TNIP1: variants seen among roughly 807,000 people sequenced by gnomAD.
TNIP1 encodes TNFAIP3 interacting protein 1.
TNIP1 carries 22 observed loss-of-function variants against 86.6 expected under a neutral mutation model. The observed-to-expected ratio is 0.25, with a 90% CI of 0.18 to 0.36. The LOEUF (loss-of-function observed/expected upper bound fraction) is 0.36, where lower values mean the gene tolerates loss of function less well. Among genes scored for constraint, TNIP1 ranks in the 10% least tolerant of loss-of-function variants. The probability of loss-of-function intolerance (pLI) is 1.00; values close to 1 mark genes in which losing one functional copy is unlikely to be tolerated. For synonymous variants in TNIP1, 294 were observed against 313.0 expected, an observed-to-expected ratio of 0.94 and a Z score of 0.64; for missense variants, 709 against 820.6, an observed-to-expected ratio of 0.86 and a Z score of 1.66.
At position 151,037,230 on chromosome 5, in the gene TNIP1, G is replaced by A. The variant is rs78928995; in HGVS notation, c.1264-309C>T. 1,618 of 207,638 alleles carry A rather than the reference G, an allele frequency of 7.8e-3. 25 individuals are homozygous for A. Among genetic ancestry groups the A allele is most frequent in the African/African-American group, 0.036 (1,532 of 42,410 alleles). The allele number at this position is 207,638 out of a possible 1,614,324, so 12.9% of individuals were successfully genotyped here. On this transcript the variant is annotated intron_variant, in intron 12 of 17. Transcript: ENST00000521591. ...GGTCACACAGCTAGTAAGTGGCAGA[G>A]CACAGATTCAAGCCCAGCACATGCT... is the stretch of plus-strand genomic sequence containing the variant.
At chr5:151,072,988 G>A (rs1489809413) in intron 1 of TNIP1, among the ~76,000 whole-genome samples, 6 of 152,122 alleles carry the variant, frequency 3.9e-5, no homozygotes, top group Non-Finnish European at 7.4e-5. Context: ...TTGGGAGGCC[G>A]AGGTGGGCGG....
chr5:151,067,182 T>C lies in TNIP1; in HGVS notation c.-36-2051A>G, dbSNP rs370445312. Among the ~76,000 whole-genome samples the C allele has an allele frequency of 1.7e-3, 256 of 152,348 alleles. 1 individual carries two copies. The highest frequency in any genetic ancestry group is 6.8e-3 in the Middle Eastern group (2 of 294). ...CCTGAAAGGTCAGTGTTCTACAGCA[T>C]AGCACAAAGTGCAGATGTTTCCACC... On this transcript the variant is annotated intron_variant, in intron 1 of 17. Coordinates refer to ENST00000521591, the MANE Select transcript of TNIP1 (RefSeq NM_006058.5).
intron 1 of TNIP1, 102 bp from the exon 2 acceptor site, chr5:151,065,233 C>T: frequency 2.0e-6 from 2 of 1,003,774 alleles, no homozygotes. Flanking sequence ...CAGTCCCCCA[C>T]TTTAAGCTGG....
In TNIP1 at chr5:151,043,332, C is replaced by T. The variant is rs1421109648; in HGVS notation, c.937-371G>A. 5.3e-5 allele frequency among the ~76,000 whole-genome samples: 8 copies of T among 152,244 alleles called. 1 individual carries two copies. The highest frequency in any genetic ancestry group is 4.6e-4 in the Admixed American group (7 of 15,296). On this transcript the variant is annotated intron_variant, in intron 9 of 17. Coordinates refer to ENST00000521591, the MANE Select transcript of TNIP1 (RefSeq NM_006058.5). Reference sequence around the variant, plus strand: ...CTCTGAAGAATTTAACCAATAGAAACACTTACACAAGTGTGCAAATATATA... The same window carrying T: ...CTCTGAAGAATTTAACCAATAGAAATACTTACACAAGTGTGCAAATATATA...
At chr5:151,034,108 A>AGTACATGGGCACGGAAGGCTG (rs796871436) in intron 15 of TNIP1, among the ~76,000 whole-genome samples, 1 of 95,598 alleles carries the variant, frequency 1.0e-5, no homozygotes, top group Non-Finnish European at 2.2e-5. Context: ...ATGGAAGGCT[A>AGTACATGGGCACGGAAGGCTG]GTACATGGGC....
intron 13 of TNIP1, 38 bp from the exon 14 acceptor site, chr5:151,035,745 G>A (rs1339287540): frequency 6.2e-7 from 1 of 1,610,262 alleles, no homozygotes; most frequent in Non-Finnish European, 8.5e-7. Flanking sequence ...GAGGGGGATG[G>A]TCCTGAGTGG....
At chr5:151,035,210 GC>G in intron 14 of TNIP1, 143 bp from the exon 15 acceptor site, 1 of 956,980 alleles carries the variant, frequency 1.0e-6, no homozygotes, top group Non-Finnish European at 1.6e-6. Flanking sequence ...CCGGGAAAGG[GC>G]CCTGAGGGCG....
chr5:151,060,453 C>A, intron 4 of TNIP1, 58 bp from the exon 5 acceptor site: 2 of 1,544,030 alleles, frequency 1.3e-6, no homozygotes, highest in African/African-American at 2.7e-5. Context: ...CCCTCCTCTG[C>A]GGCCCTGTGG....
chr5:151,062,404 C>T (rs1475458848), intron 3 of TNIP1, among the ~76,000 whole-genome samples, 192 bp from the exon 4 acceptor site: 1 of 152,184 alleles, frequency 6.6e-6, no homozygotes, highest in African/African-American at 2.4e-5. Flanking sequence ...CGGGGCAGAG[C>T]CTGAGCAGAG....
At chr5:151,065,420 C>A (rs946192639) in intron 1 of TNIP1, among the ~76,000 whole-genome samples, 3 of 151,984 alleles carry the variant, frequency 2.0e-5, no homozygotes, top group African/African-American at 2.4e-5. Context: ...CAAGAAAGAA[C>A]CTGGACTTGG....
intron 12 of TNIP1, among the ~76,000 whole-genome samples, chr5:151,037,840 GA>G (rs1178397711): frequency 1.3e-5 from 2 of 152,194 alleles, no homozygotes; most frequent in Non-Finnish European, 2.9e-5. Flanking sequence ...GACACGCAAA[GA>G]AACTGCAGGA....
chr5:151,066,749 C>T (rs754450249), intron 1 of TNIP1, among the ~76,000 whole-genome samples: 1 of 152,152 alleles, frequency 6.6e-6, no homozygotes, highest in African/African-American at 2.4e-5. Context: ...AACTCAGCCA[C>T]GATGACCCGG....
chr5:151,085,746 C>A (rs1764252119), upstream of TNIP1, among the ~76,000 whole-genome samples: 1 of 152,232 alleles, frequency 6.6e-6, no homozygotes, highest in South Asian at 2.1e-4. Flanking sequence ...TCTGGGCTTG[C>A]ATCCAGGGTT....
chr5:151,052,458 G>A (rs1400155622), intron 6 of TNIP1, among the ~76,000 whole-genome samples, 199 bp from the exon 7 acceptor site: 5 of 152,154 alleles, frequency 3.3e-5, no homozygotes, highest in African/African-American at 4.8e-5. Context: ...AGCCAACTAC[G>A]GAGAAGCCTG....
intron 12 of TNIP1, 128 bp downstream of exon 12, chr5:151,038,969 C>T: frequency 7.7e-7 from 1 of 1,304,738 alleles, no homozygotes; most frequent in Non-Finnish European, 1.0e-6. Flanking sequence ...AGGCGGGAAA[C>T]AGGATGCCAG....
intron 1 of TNIP1, chr5:151,080,473 A>G (rs1763875601): frequency 6.6e-6 from 1 of 151,930 alleles, no homozygotes; most frequent in African/African-American, 2.4e-5. Flanking sequence ...CGCCCAATAA[A>G]AATTATTATT....
chr5:151,078,821 T>C (rs1763679104), intron 1 of TNIP1, among the ~76,000 whole-genome samples: 1 of 152,086 alleles, frequency 6.6e-6, no homozygotes, highest in African/African-American at 2.4e-5. Context: ...TCACAGCGGG[T>C]ACAGGAGTAA....
At chr5:151,062,278 A>C in intron 3 of TNIP1, 66 bp from the exon 4 acceptor site, 121 of 1,443,148 alleles carry the variant, frequency 8.4e-5, no homozygotes, top group Non-Finnish European at 1.1e-4. Flanking sequence ...CCACCCTCTC[A>C]AGGACAGCCC....
chr5:151,064,233 C>T (rs550295494), intron 2 of TNIP1, among the ~76,000 whole-genome samples: 11 of 152,212 alleles, frequency 7.2e-5, no homozygotes, highest in East Asian at 1.9e-4. Flanking sequence ...CCTCCCCAGT[C>T]GGCCATCCCA....
Sources: gnomAD v4.1 joint callset for allele counts (sites outside exome capture counted in the v4.1 genomes callset) on GRCh38, gnomAD v4.1.1 for gene constraint, MANE v1.5 for transcripts, NCBI Gene and HGNC (gene_info 2026-07-23, HGNC 2026-07-21) for gene names.